Variants in EPHA6 observed in about 807,000 individuals in gnomAD.
EPHA6 encodes the protein ephrin type-A receptor 6.
EPHA6 carries 50 observed loss-of-function variants against 112.0 expected under a neutral mutation model. The ratio of observed to expected loss-of-function variants is 0.45; its 90% CI spans 0.36 to 0.56. The LOEUF (loss-of-function observed/expected upper bound fraction) is 0.56, where lower values mean the gene tolerates loss of function less well. Among genes scored for constraint, EPHA6 ranks in the 20% least tolerant of loss-of-function variants. The pLI, the probability that EPHA6 is intolerant of heterozygous loss-of-function variation, is 0.00. For synonymous variants in EPHA6, 529 were observed against 490.7 expected (o/e 1.08, Z -1.03); for missense variants, 1,280 against 1,417.4 (o/e 0.90, Z 1.56).
At chr3:96,819,483 A>T (rs2033080930) in intron 1 of EPHA6, among the ~76,000 whole-genome samples, 1 of 152,020 alleles carries the variant, frequency 6.6e-6, no homozygotes, top group African/African-American at 2.4e-5. Flanking sequence ...TTCTGACTGC[A>T]TGCTCCATTT....
At chr3:97,493,204 ATG>A (rs756975147) in intron 10 of EPHA6, among the ~76,000 whole-genome samples, 84 of 151,064 alleles carry the variant, frequency 5.6e-4, no homozygotes, top group African/African-American at 1.2e-3. Flanking sequence ...TTGTGTTTGT[ATG>A]TGTGTGTGTG....
intron 1 of EPHA6, among the ~76,000 whole-genome samples, chr3:96,841,792 C>T (rs181149841): frequency 2.0e-5 from 3 of 152,134 alleles, no homozygotes; most frequent in African/African-American, 7.2e-5. Flanking sequence ...AAATTTTTAT[C>T]TTTCTAAAAT....
At chr3:96,945,204 A>G (rs1167936916) in intron 2 of EPHA6, among the ~76,000 whole-genome samples, 1 of 152,226 alleles carries the variant, frequency 6.6e-6, no homozygotes, top group Non-Finnish European at 1.5e-5. Context: ...TGATACCATC[A>G]TCTTTCCCCT....
intron 2 of EPHA6, among the ~76,000 whole-genome samples, chr3:96,961,760 G>T (rs2041956165): frequency 6.6e-6 from 1 of 152,122 alleles, no homozygotes; most frequent in South Asian, 2.1e-4. Flanking sequence ...TTATCATTTG[G>T]CCAGTGAGTA....
chr3:97,672,666 G>A (rs1211187385), intron 14 of EPHA6, among the ~76,000 whole-genome samples: 2 of 152,100 alleles, frequency 1.3e-5, no homozygotes, highest in African/African-American at 2.4e-5. Context: ...AAGAAAAAAA[G>A]AGAGAAGGGA....
At chr3:96,916,675 A>G (rs923444910) in intron 2 of EPHA6, among the ~76,000 whole-genome samples, 1 of 152,152 alleles carries the variant, frequency 6.6e-6, no homozygotes, top group Non-Finnish European at 1.5e-5. Flanking sequence ...CTCAAAGGGT[A>G]GGAAGTAAGT....
At chr3:97,743,131 A>C (rs1012733207) in intron 16 of EPHA6, among the ~76,000 whole-genome samples, 20 of 152,158 alleles carry the variant, frequency 1.3e-4, no homozygotes, top group Admixed American at 2.0e-4. Context: ...TTGAATAAAC[A>C]GCATATTATT....
chr3:97,230,441 A>T (rs1371237111), intron 4 of EPHA6, among the ~76,000 whole-genome samples: 1 of 152,104 alleles, frequency 6.6e-6, no homozygotes, highest in African/African-American at 2.4e-5. Context: ...TCCTTCTTTA[A>T]TGCTTAATAT....
intron 3 of EPHA6, among the ~76,000 whole-genome samples, chr3:97,034,457 A>G (rs2045005230): frequency 6.6e-6 from 1 of 151,940 alleles, no homozygotes; most frequent in African/African-American, 2.4e-5. Context: ...TTTACTGTCC[A>G]TGAAAACACC....
intron 14 of EPHA6, among the ~76,000 whole-genome samples, chr3:97,639,842 A>G (rs943009167): frequency 2.6e-5 from 4 of 152,248 alleles, no homozygotes; most frequent in African/African-American, 9.6e-5. Context: ...AGGTAACCAG[A>G]ATATTAACAC....
chr3:97,509,639 T>A (rs2092328256), intron 10 of EPHA6, among the ~76,000 whole-genome samples: 1 of 152,166 alleles, frequency 6.6e-6, no homozygotes, highest in Admixed American at 6.5e-5. Context: ...CATTTCAACC[T>A]TAGTGAATCT....
intron 14 of EPHA6, among the ~76,000 whole-genome samples, chr3:97,655,435 T>C (rs192244266): frequency 1.3e-5 from 2 of 151,902 alleles, no homozygotes; most frequent in Admixed American, 1.3e-4. Context: ...TCTTTGAAGG[T>C]TGAGAAAAAA....
intron 5 of EPHA6, among the ~76,000 whole-genome samples, chr3:97,296,403 A>AAG (rs2080876128): frequency 6.6e-6 from 1 of 152,086 alleles, no homozygotes; most frequent in African/African-American, 2.4e-5. Context: ...GGTGATGCGG[A>AAG]TGGGTACAGG....
At chr3:97,163,374 T>A (rs192388836) in intron 3 of EPHA6, among the ~76,000 whole-genome samples, 3 of 152,208 alleles carry the variant, frequency 2.0e-5, no homozygotes, top group African/African-American at 7.2e-5. Context: ...ACGACAAAAT[T>A]TATTGCAAAA....
At chr3:97,491,587 A>C (rs1293055294) in intron 10 of EPHA6, among the ~76,000 whole-genome samples, 3 of 149,860 alleles carry the variant, frequency 2.0e-5, no homozygotes, top group Non-Finnish European at 3.0e-5. Context: ...TCTTTCATAA[A>C]GGGAGTGTAG....
At chr3:97,255,755 A>G (rs544757299) in intron 5 of EPHA6, among the ~76,000 whole-genome samples, 1 of 152,282 alleles carries the variant, frequency 6.6e-6, no homozygotes, top group African/African-American at 2.4e-5. Flanking sequence ...AAGTTGTAGC[A>G]GTTTATGTTA....
intron 2 of EPHA6, among the ~76,000 whole-genome samples, chr3:96,953,760 C>A (rs2041647296): frequency 6.6e-6 from 1 of 152,160 alleles, no homozygotes; most frequent in African/African-American, 2.4e-5. Flanking sequence ...TTCTCTTATA[C>A]CCCATATTCA....
At chr3:97,500,334 A>G (rs2092085991) in intron 10 of EPHA6, among the ~76,000 whole-genome samples, 1 of 152,072 alleles carries the variant, frequency 6.6e-6, no homozygotes, top group African/African-American at 2.4e-5. Context: ...GACAGGTTGT[A>G]CAGGAAGCAC....
At chr3:97,464,887 T>C (rs941600921) in intron 7 of EPHA6, among the ~76,000 whole-genome samples, 10 of 152,136 alleles carry the variant, frequency 6.6e-5, no homozygotes, top group Admixed American at 6.6e-4. Flanking sequence ...TGATTTTCAA[T>C]TTGATAAAGT....
Sources: allele counts gnomAD v4.1 joint callset (sites outside exome capture counted in the v4.1 genomes callset), GRCh38; gene constraint gnomAD v4.1.1; transcripts MANE v1.5; gene names NCBI Gene and HGNC (gene_info 2026-07-23, HGNC 2026-07-21).